The following KIF13B variants were observed in gnomAD, a reference collection of about 807,000 sequenced individuals.
KIF13B encodes kinesin family member 13B.
KIF13B carries 127 observed loss-of-function variants against 222.0 expected under a neutral mutation model. That is an observed-to-expected ratio of 0.57 (90% CI 0.50 to 0.66). KIF13B has a LOEUF of 0.66. KIF13B is among the 30% of genes least tolerant of loss of function. The pLI, the probability that KIF13B is intolerant of heterozygous loss-of-function variation, is 0.00. For synonymous variants in KIF13B, 976 were observed against 919.0 expected (o/e 1.06, Z -1.12); for missense variants, 2,173 against 2,379.0 (o/e 0.91, Z 1.80).
chr8:29,183,544 T>C (rs1183513265), intron 6 of KIF13B, among the ~76,000 whole-genome samples: 1 of 152,232 alleles, frequency 6.6e-6, no homozygotes, highest in Non-Finnish European at 1.5e-5. Flanking sequence ...AATCTGCTCT[T>C]GACCACCTCT....
At chr8:29,103,164 C>G (rs1406527331) in intron 35 of KIF13B, among the ~76,000 whole-genome samples, 1 of 151,454 alleles carries the variant, frequency 6.6e-6, no homozygotes, top group Admixed American at 6.6e-5. Context: ...ACGGCTTGAA[C>G]CCAGGAGGCG....
At position 29,070,619 on chromosome 8, in the gene KIF13B, C is replaced by T. The variant is rs201015626; in HGVS notation, c.5366G>A (p.Arg1789His). ...TGLRLGAPEA[R>H]RSATLSGSAT... ...GGAGCCCGAGAGGGTGGCGCTCCGGCGGGCCTCGGGGGCACCCAGCCGGAG... is the reference window on the plus strand; with the variant it reads ...GGAGCCCGAGAGGGTGGCGCTCCGGTGGGCCTCGGGGGCACCCAGCCGGAG... Residue 1789 changes from arginine (R) to histidine (H), a missense_variant, in exon 40 of 40, where the codon CGC (arginine) becomes CAC (histidine). Around this residue, in one of 2 missense-constraint regions of KIF13B, gnomAD observed 693 missense variants for 656.2 expected, o/e 1.06. Transcript: ENST00000524189. The surrounding 1 kb of genome is among the most constrained non-coding windows in gnomAD (Gnocchi z 4.1). The T allele has an allele frequency of 2.9e-4, 456 of 1,578,474 alleles. No individual in the cohort carries two copies. The highest frequency in any genetic ancestry group is 4.6e-4 in the African/African-American group (34 of 74,186).
At position 29,070,655 on chromosome 8, in the gene KIF13B, C is replaced by A. The variant is rs753094507; in HGVS notation, c.5330G>T (p.Arg1777Leu). The A allele has an allele frequency of 6.4e-7, 1 of 1,562,684 alleles. No individual in the cohort carries two copies. The highest frequency in any genetic ancestry group is 1.2e-5 in the South Asian group (1 of 85,656). Residue 1777 changes from arginine to leucine, a missense_variant, in exon 40 of 40, where the codon CGC becomes CTC. Arg to Leu is a moderately radical substitution (Grantham distance 102). Coordinates refer to ENST00000524189, the MANE Select transcript of KIF13B (RefSeq NM_015254.4). The surrounding 1 kb of genome is among the most constrained non-coding windows in gnomAD (Gnocchi z 4.1). ...GGCACCCAGCCGGAGTCCTGTGCTG[C>A]GCCGCCGCACAGGGCCCGTGGCCCT... ...VRRATGPVRR[R>L]STGLRLGAPE...
chr8:29,125,326 G>C (rs556613818), intron 26 of KIF13B, among the ~76,000 whole-genome samples: 18 of 152,236 alleles, frequency 1.2e-4, no homozygotes, highest in African/African-American at 4.3e-4. Flanking sequence ...TACAAGACTG[G>C]GTAGGTCAGT....
intron 37 of KIF13B, among the ~76,000 whole-genome samples, chr8:29,081,768 T>C (rs528851487): frequency 6.6e-6 from 1 of 152,386 alleles, no homozygotes; most frequent in Non-Finnish European, 1.5e-5. Flanking sequence ...ATCTATTGCA[T>C]GGTGCTTGTC....
chr8:29,234,182 CT>C (rs1815405856), intron 2 of KIF13B, among the ~76,000 whole-genome samples: 1 of 152,096 alleles, frequency 6.6e-6, no homozygotes, highest in South Asian at 2.1e-4. Flanking sequence ...CCCAAAATAA[CT>C]GAAAGCAGGG....
Position 29,262,774 on chromosome 8 carries a change from C to T in KIF13B, c.55+206G>A, listed in dbSNP as rs373105571. 1.7e-4 allele frequency among the ~76,000 whole-genome samples: 24 copies of T among 137,458 alleles called. 1 individual carries two copies. In the East Asian group the frequency reaches 5.0e-3, roughly 29 times the overall value. 90.2% of individuals were successfully genotyped at this position (137,458 alleles called of 152,430 possible). A position where few individuals can be genotyped will look rare whatever the true frequency, so the allele number is the denominator to read the frequency against. ...ACGAGGGGCCCGACGGCGCCAGGGA[C>T]GGGGCTGGCCAGGGGGGAAGGGAGG... On this transcript the variant is annotated intron_variant, in intron 1 of 39. Coordinates refer to ENST00000524189, the MANE Select transcript of KIF13B (RefSeq NM_015254.4).
intron 1 of KIF13B, among the ~76,000 whole-genome samples, chr8:29,255,219 C>T (rs1165030952): frequency 1.3e-5 from 2 of 152,144 alleles, no homozygotes; most frequent in African/African-American, 4.8e-5. Flanking sequence ...CTAATAATGG[C>T]TGCACAAGTC....
chr8:29,122,306 A>G (rs1297883681), intron 29 of KIF13B, among the ~76,000 whole-genome samples: 2 of 152,194 alleles, frequency 1.3e-5, no homozygotes, highest in Non-Finnish European at 2.9e-5. Flanking sequence ...GTGCAGAAAA[A>G]CACTGCTACC....
At chr8:29,161,828 C>T (rs17059721) in intron 12 of KIF13B, among the ~76,000 whole-genome samples, 7,180 of 152,014 alleles carry the variant, frequency 0.047, 365 homozygotes, top group African/African-American at 0.12. Flanking sequence ...AACTGTTCAC[C>T]GGGCCATTTC....
At chr8:29,131,173 T>G (rs569502244) in intron 23 of KIF13B, among the ~76,000 whole-genome samples, 1 of 150,110 alleles carries the variant, frequency 6.7e-6, no homozygotes, top group Non-Finnish European at 1.5e-5. Flanking sequence ...CTCCCAGGAG[T>G]TGGGGAGCAG....
At chr8:29,182,393 A>G (rs1812748303) in intron 6 of KIF13B, among the ~76,000 whole-genome samples, 1 of 152,240 alleles carries the variant, frequency 6.6e-6, no homozygotes, top group South Asian at 2.1e-4. Flanking sequence ...GACAAACCAA[A>G]GACAGTAAAC....
intron 3 of KIF13B, among the ~76,000 whole-genome samples, chr8:29,195,390 T>C (rs191260723): frequency 1.3e-5 from 2 of 152,314 alleles, no homozygotes; most frequent in East Asian, 3.9e-4. Context: ...GGTGACTTTC[T>C]GTTTGTCATT....
intron 31 of KIF13B, among the ~76,000 whole-genome samples, chr8:29,115,403 C>A (rs1163134912): frequency 6.6e-6 from 1 of 151,330 alleles, no homozygotes; most frequent in Non-Finnish European, 1.5e-5. Flanking sequence ...CTTGGCTCAC[C>A]GCAACCTCCG....
Position 29,130,599 on chromosome 8 carries a change from T to G in KIF13B, c.3009A>C (p.Glu1003Asp). The G allele has an allele frequency of 6.2e-7, 1 of 1,613,696 alleles. No individual in the cohort carries two copies. The highest frequency in any genetic ancestry group is 8.5e-7 in the Non-Finnish European group (1 of 1,179,614). ...CAGAAATCACTTCTACAGGGCAGTA[T>G]TCACCATTCTCATTCTGTTCCAAGA... is the stretch of plus-strand genomic sequence containing the variant. Reference protein sequence around the residue: ...VQILEQNENGEYCPVEVISAK... With the variant: ...VQILEQNENGDYCPVEVISAK... The change falls in exon 24 of 40, where the codon GAA (glutamate) becomes GAC (aspartate). Residue 1003 changes from glutamate (E) to aspartate (D), a missense_variant. By Grantham distance (45) the Glu-to-Asp change is conservative. Transcript: ENST00000524189.
intron 26 of KIF13B, among the ~76,000 whole-genome samples, chr8:29,125,745 A>AG (rs1810078735): frequency 8.8e-6 from 1 of 113,714 alleles, no homozygotes; most frequent in African/African-American, 2.7e-5. Flanking sequence ...AAGAAAACAA[A>AG]GGAAAAAAAA....
At chr8:29,122,355 G>A (rs752359350) in intron 29 of KIF13B, among the ~76,000 whole-genome samples, 8 of 152,200 alleles carry the variant, frequency 5.3e-5, no homozygotes, top group Non-Finnish European at 7.3e-5. Context: ...ACATGGCACC[G>A]TGAGCTGCAG....
At position 29,075,201 on chromosome 8, in the gene KIF13B, G is replaced by A. The variant is rs1807495524; in HGVS notation, c.4521+80C>T. 1.4e-5 allele frequency: 15 copies of A among 1,076,436 alleles called. No individual in the cohort carries two copies. In the East Asian group the frequency reaches 3.6e-4, roughly 26 times the overall value. The allele number at this position is 1,076,436 out of a possible 1,614,324, so 66.7% of individuals were successfully genotyped here. A position where few individuals can be genotyped will look rare whatever the true frequency, so the allele number is the denominator to read the frequency against. ...AGGAATGCTAACATCAAAAACTGTGGGTGTGGACTCAACAGTTTCGGCATC... is the reference window on the plus strand; with the variant it reads ...AGGAATGCTAACATCAAAAACTGTGAGTGTGGACTCAACAGTTTCGGCATC... On this transcript the variant is annotated intron_variant, in intron 38 of 39. Transcript: ENST00000524189.
At chr8:29,121,004 T>C (rs1809832237) in intron 29 of KIF13B, among the ~76,000 whole-genome samples, 1 of 121,176 alleles carries the variant, frequency 8.3e-6, no homozygotes, top group Non-Finnish European at 1.7e-5. Context: ...GTTCATGTCC[T>C]TCGCCCACTT....
Sources: gnomAD v4.1 joint callset for allele counts (sites outside exome capture counted in the v4.1 genomes callset) on GRCh38, gnomAD v4.1.1 for gene constraint, gnomAD v4.1.1 regional missense constraint, Gnocchi (gnomAD v3.1) non-coding constraint, MANE v1.5 for transcripts, NCBI Gene and HGNC (gene_info 2026-07-23, HGNC 2026-07-21) for gene names.